The following ATRNL1 variants were observed in gnomAD, a reference collection of about 807,000 sequenced individuals.
ATRNL1 encodes attractin like 1, also known as attractin-like protein 1.
In ATRNL1, 95 loss-of-function variants were observed where a neutral mutation model predicts 182.7. The observed-to-expected ratio is 0.52, with a 90% CI of 0.44 to 0.62. The LOEUF is 0.62. Ranked by LOEUF, ATRNL1 falls within the 20% of genes least tolerant of loss-of-function variation. ATRNL1 has a pLI of 0.00. For synonymous variants in ATRNL1, 576 were observed against 568.3 expected, an observed-to-expected ratio of 1.01 and a Z score of -0.19; for missense variants, 1,471 against 1,679.5, an observed-to-expected ratio of 0.88 and a Z score of 2.17.
intron 8 of ATRNL1, among the ~76,000 whole-genome samples, chr10:115,192,714 GTT>G (rs1399980474): frequency 6.7e-6 from 1 of 148,732 alleles, no homozygotes; most frequent in African/African-American, 2.6e-5. Context: ...TTCCAAATCC[GTT>G]TTTTTGTGTA....
At chr10:115,169,909 T>C (rs1269571706) in intron 7 of ATRNL1, among the ~76,000 whole-genome samples, 1 of 152,166 alleles carries the variant, frequency 6.6e-6, no homozygotes, top group Non-Finnish European at 1.5e-5. Flanking sequence ...CTTTTGTCAA[T>C]GTAATTATTT....
In ATRNL1 at chr10:115,515,943, C is replaced by CT. The variant is rs572097495; in HGVS notation, c.3655-3312dup. On this transcript the variant is annotated intron_variant, in intron 24 of 28. Transcript: ENST00000355044. ...TTTCCTCCCACCTACCTTTCCACTT[C>CT]TTTTTTTTAAGCTCTAATGATGGGG... Among the ~76,000 whole-genome samples the CT allele has an allele frequency of 8.6e-5, 13 of 151,792 alleles. No homozygotes were observed. The South Asian group carries it at 1.7e-3, about 19-fold the overall frequency.
chr10:115,496,060 C>T (rs565328050), intron 24 of ATRNL1, among the ~76,000 whole-genome samples: 1 of 152,254 alleles, frequency 6.6e-6, no homozygotes, highest in Middle Eastern at 3.4e-3. Flanking sequence ...GTAACCACTA[C>T]CATTGTATAA....
chr10:115,538,420 T>G (rs1554991089), intron 25 of ATRNL1, among the ~76,000 whole-genome samples: 1 of 152,208 alleles, frequency 6.6e-6, no homozygotes. Flanking sequence ...CTTGTGGTAA[T>G]TTTAACTTGC....
chr10:115,582,571 C>T (rs78397997), intron 26 of ATRNL1, among the ~76,000 whole-genome samples: 20,440 of 86,518 alleles, frequency 0.24, 3,581 homozygotes, highest in East Asian at 0.68. Flanking sequence ...TCATGTCCTT[C>T]GCCCACTTTT....
intron 28 of ATRNL1, among the ~76,000 whole-genome samples, chr10:115,899,811 T>G (rs1445503618): frequency 6.6e-6 from 1 of 152,188 alleles, no homozygotes; most frequent in African/African-American, 2.4e-5. Context: ...TAAAAAGAAA[T>G]TAATATTTCT....
intron 26 of ATRNL1, among the ~76,000 whole-genome samples, chr10:115,691,118 T>G (rs1216212316): frequency 6.6e-6 from 1 of 152,180 alleles, no homozygotes; most frequent in Non-Finnish European, 1.5e-5. Context: ...GGTGCTTCCT[T>G]CTGGAGAAGG....
intron 28 of ATRNL1, among the ~76,000 whole-genome samples, chr10:115,940,443 G>GT: frequency 6.6e-6 from 1 of 152,320 alleles, no homozygotes; most frequent in South Asian, 2.1e-4. Context: ...TTATAGCTCG[G>GT]TTTCCTGAGC....
intron 19 of ATRNL1, among the ~76,000 whole-genome samples, chr10:115,356,739 T>G (rs1554942952): frequency 6.6e-6 from 1 of 151,960 alleles, no homozygotes; most frequent in African/African-American, 2.4e-5. Flanking sequence ...ATGTTCTACC[T>G]CTTCAAACTT....
At chr10:115,545,965 G>C (rs1348169906) in intron 25 of ATRNL1, among the ~76,000 whole-genome samples, 2 of 152,162 alleles carry the variant, frequency 1.3e-5, no homozygotes, top group Non-Finnish European at 2.9e-5. Flanking sequence ...TCAACTCTCT[G>C]TGACTTAGCT....
chr10:115,911,273 TAC>T (rs1952669483), intron 28 of ATRNL1, among the ~76,000 whole-genome samples: 1 of 152,092 alleles, frequency 6.6e-6, no homozygotes, highest in Non-Finnish European at 1.5e-5. Context: ...GTGCTAGGAT[TAC>T]AGACATGAGC....
At position 115,925,155 on chromosome 10, in the gene ATRNL1, G is replaced by C. The variant is rs116136919; in HGVS notation, c.4019-19503G>C. On this transcript the variant is annotated intron_variant, in intron 28 of 28. Transcript: ENST00000355044. ...GTTTAAGACGTTTTGGGGCTGAGATGATGGGGCTTTCTAAATATAAAATCA... is the reference window on the plus strand; with the variant it reads ...GTTTAAGACGTTTTGGGGCTGAGATCATGGGGCTTTCTAAATATAAAATCA... 7.5e-3 allele frequency among the ~76,000 whole-genome samples: 1,148 copies of C among 152,240 alleles called. 14 individuals are homozygous for C. The highest frequency in any genetic ancestry group is 0.026 in the African/African-American group (1,089 of 41,558).
intron 1 of ATRNL1, among the ~76,000 whole-genome samples, chr10:115,116,067 T>C (rs1844472103): frequency 2.0e-5 from 3 of 152,096 alleles, no homozygotes; most frequent in South Asian, 4.1e-4. Flanking sequence ...ATAGTAGATA[T>C]TTTAGGCTTT....
chr10:115,226,299 T>C (rs1849691451), intron 9 of ATRNL1, among the ~76,000 whole-genome samples: 1 of 152,008 alleles, frequency 6.6e-6, no homozygotes, highest in Non-Finnish European at 1.5e-5. Context: ...AGTACAATAA[T>C]ATTCTAGAAG....
At chr10:115,228,249 G>A (rs7086259) in intron 9 of ATRNL1, among the ~76,000 whole-genome samples, 5,263 of 152,242 alleles carry the variant, frequency 0.035, 294 homozygotes, top group African/African-American at 0.12. Flanking sequence ...TCCTTCAGGA[G>A]TAGTTGCATC....
At chr10:115,437,428 A>C (rs1846453517) in intron 21 of ATRNL1, among the ~76,000 whole-genome samples, 2 of 151,992 alleles carry the variant, frequency 1.3e-5, no homozygotes, top group Non-Finnish European at 2.9e-5. Flanking sequence ...TAGAGCATGA[A>C]ATAGACCATT....
chr10:115,884,994 T>C (rs1052407930), intron 28 of ATRNL1, among the ~76,000 whole-genome samples: 2 of 152,244 alleles, frequency 1.3e-5, no homozygotes, highest in Admixed American at 1.3e-4. Context: ...GATTACCTGA[T>C]AATTGCACCT....
At chr10:115,641,383 C>A (rs1859237005) in intron 26 of ATRNL1, among the ~76,000 whole-genome samples, 1 of 152,180 alleles carries the variant, frequency 6.6e-6, no homozygotes, top group South Asian at 2.1e-4. Flanking sequence ...CTACCTCTGT[C>A]ATGCTTTCAC....
chr10:115,558,604 T>A (rs1853468012), intron 26 of ATRNL1, among the ~76,000 whole-genome samples: 1 of 152,076 alleles, frequency 6.6e-6, no homozygotes, highest in African/African-American at 2.4e-5. Flanking sequence ...TTTAGGAAGT[T>A]TGTATTAATT....
Sources: gnomAD v4.1 joint callset for allele counts (sites outside exome capture counted in the v4.1 genomes callset) on GRCh38, gnomAD v4.1.1 for gene constraint, MANE v1.5 for transcripts, NCBI Gene and HGNC (gene_info 2026-07-23, HGNC 2026-07-21) for gene names.